The following FOXP1 variants were observed in gnomAD, a reference collection of about 807,000 sequenced individuals.
The protein encoded by FOXP1 is forkhead box P1.
FOXP1 carries 15 observed loss-of-function variants against 98.2 expected under a neutral mutation model. That is an observed-to-expected ratio of 0.15 (90% CI 0.10 to 0.24). The LOEUF is 0.24. Among genes scored for constraint, FOXP1 ranks in the 10% least tolerant of loss-of-function variants. The pLI is 1.00. For synonymous variants in FOXP1, 371 were observed against 314.5 expected (o/e 1.18, Z -1.90); for missense variants, 633 against 848.5 (o/e 0.75, Z 3.15).
intron 5 of FOXP1, among the ~76,000 whole-genome samples, chr3:71,206,171 G>T (rs1376934768): frequency 6.6e-6 from 1 of 152,172 alleles, no homozygotes; most frequent in Non-Finnish European, 1.5e-5. Context: ...ATGATTAAAT[G>T]ACACAAAATT....
chr3:71,479,157 G>A (rs1577734954), intron 3 of FOXP1, among the ~76,000 whole-genome samples: 1 of 152,280 alleles, frequency 6.6e-6, no homozygotes, highest in East Asian at 1.9e-4. Flanking sequence ...GGGCGTGGTG[G>A]TCACACCTGT....
chr3:71,101,809 C>A (rs2056989071), intron 7 of FOXP1, among the ~76,000 whole-genome samples: 1 of 152,066 alleles, frequency 6.6e-6, no homozygotes, highest in Admixed American at 6.5e-5. Context: ...TTGGAACTAC[C>A]CATTTAAACT....
At chr3:71,547,251 G>A (rs1475371573) in intron 2 of FOXP1, among the ~76,000 whole-genome samples, 1 of 152,020 alleles carries the variant, frequency 6.6e-6, no homozygotes, top group African/African-American at 2.4e-5. Flanking sequence ...CACTGTGAGG[G>A]GTCTGCCTGC....
intron 5 of FOXP1, among the ~76,000 whole-genome samples, chr3:71,238,766 G>T (rs917206204): frequency 6.6e-6 from 1 of 152,198 alleles, no homozygotes; most frequent in Non-Finnish European, 1.5e-5. Context: ...TCCCATCTAG[G>T]ATTGCTCCTG....
intron 5 of FOXP1, among the ~76,000 whole-genome samples, chr3:71,235,722 A>G (rs1384150339): frequency 6.6e-6 from 1 of 152,124 alleles, no homozygotes; most frequent in Non-Finnish European, 1.5e-5. Context: ...GCGTGCCACC[A>G]TGCCCGGCTA....
At chr3:71,106,980 G>A (rs2107705858) in intron 7 of FOXP1, among the ~76,000 whole-genome samples, 1 of 152,074 alleles carries the variant, frequency 6.6e-6, no homozygotes, top group East Asian at 1.9e-4. Context: ...TGTTGCCCAG[G>A]CTGGTCTCTA....
chr3:71,377,756 G>A (rs1202031728), intron 3 of FOXP1, among the ~76,000 whole-genome samples: 1 of 152,156 alleles, frequency 6.6e-6, no homozygotes, highest in Admixed American at 6.5e-5. Flanking sequence ...AAGCTGTTTT[G>A]AAATTAAGAA....
chr3:71,553,192 T>A (rs771287287), intron 2 of FOXP1, among the ~76,000 whole-genome samples: 1 of 152,154 alleles, frequency 6.6e-6, no homozygotes, highest in African/African-American at 2.4e-5. Context: ...TTCTACTATG[T>A]GGTATTGAAG....
At chr3:71,431,638 C>T (rs558472675) in intron 3 of FOXP1, among the ~76,000 whole-genome samples, 52 of 152,314 alleles carry the variant, frequency 3.4e-4, no homozygotes, top group Admixed American at 3.4e-3. Flanking sequence ...TGAATACTTA[C>T]TACAACTAAA....
At chr3:71,267,124 A>AGTGTGTGTGTGT (rs1553808466) in intron 5 of FOXP1, among the ~76,000 whole-genome samples, 34 of 148,298 alleles carry the variant, frequency 2.3e-4, no homozygotes, top group South Asian at 4.3e-4. Context: ...TATGGGAGAG[A>AGTGTGTGTGTGT]GTGTGTGTGT....
chr3:71,069,689 A>G (rs1463441148), intron 7 of FOXP1, among the ~76,000 whole-genome samples: 1 of 152,216 alleles, frequency 6.6e-6, no homozygotes, highest in East Asian at 1.9e-4. Context: ...CCGAAGAGTG[A>G]CAGTATTTTT....
chr3:71,272,046 T>C lies in FOXP1; in HGVS notation c.-12+27774A>G, dbSNP rs1214634688. On this transcript the variant is annotated intron_variant, in intron 5 of 20. Transcript: ENST00000649528. ...TCAATTATAAAGCACCTATTATACATTCTAAATCAGGAATCAAAAGAGTCT... is the reference window on the plus strand; with the variant it reads ...TCAATTATAAAGCACCTATTATACACTCTAAATCAGGAATCAAAAGAGTCT... 3.9e-5 allele frequency among the ~76,000 whole-genome samples: 6 copies of C among 152,294 alleles called. No individual in the cohort carries two copies. The South Asian group carries it at 1.2e-3, about 32-fold the overall frequency.
At chr3:71,392,192 T>C (rs1291647123) in intron 3 of FOXP1, among the ~76,000 whole-genome samples, 1 of 152,222 alleles carries the variant, frequency 6.6e-6, no homozygotes, top group Non-Finnish European at 1.5e-5. Flanking sequence ...CTCAACTAGA[T>C]GCAATGTGTC....
At chr3:71,016,853 A>G (rs2044571197) in intron 11 of FOXP1, among the ~76,000 whole-genome samples, 1 of 152,142 alleles carries the variant, frequency 6.6e-6, no homozygotes, top group Non-Finnish European at 1.5e-5. Flanking sequence ...CAAACCAAGG[A>G]GCATAAAAAG....
In FOXP1 at chr3:71,420,575, A is replaced by G. The variant is rs13326091; in HGVS notation, c.-167-61331T>C. ...CGCACCTATAAACATATACACAAAC[A>G]TAGTCACACATTCTACATATATGTA... On this transcript the variant is annotated intron_variant, in intron 3 of 20. Transcript: ENST00000649528. Among the ~76,000 whole-genome samples, 1,163 of 152,296 alleles carry G rather than the reference A, an allele frequency of 7.6e-3. 17 individuals carry two copies. The highest frequency in any genetic ancestry group is 0.026 in the African/African-American group (1,093 of 41,558).
chr3:71,548,426 G>A (rs1356873094), intron 2 of FOXP1, among the ~76,000 whole-genome samples: 1 of 151,768 alleles, frequency 6.6e-6, no homozygotes, highest in Admixed American at 6.6e-5. Context: ...TTTATTTTAA[G>A]ACAGGGTCTT....
At chr3:71,009,064 C>T (rs2043171928) in intron 12 of FOXP1, among the ~76,000 whole-genome samples, 1 of 147,482 alleles carries the variant, frequency 6.8e-6, no homozygotes, top group African/African-American at 2.5e-5. Context: ...AAGTCACTTC[C>T]TCTCCCTTAG....
chr3:71,395,100 CAAAAAAAAA>C (rs10543398), intron 3 of FOXP1, among the ~76,000 whole-genome samples: 8 of 63,808 alleles, frequency 1.3e-4, no homozygotes, highest in South Asian at 5.7e-4. Flanking sequence ...AACCCCGTCA[CAAAAAAAAA>C]AAAAAAAAAA....
chr3:70,966,023 T>G lies in FOXP1; in HGVS notation c.1756A>C (p.Thr586Pro). 2 of 1,614,172 alleles carry G rather than the reference T, an allele frequency of 1.2e-6. No homozygotes were observed. The highest frequency in any genetic ancestry group is 2.2e-5 in the South Asian group (2 of 91,086). The change falls in exon 20 of 21, where the codon ACT (threonine) becomes CCT (proline). Residue 586 changes from threonine to proline, a missense_variant. Around this residue, in one of 6 missense-constraint regions of FOXP1, gnomAD observed 150 missense variants for 163.7 expected, o/e 0.92. Transcript: ENST00000649528. ...SMAENSIPLY[T>P]TASMGNPTLG... ...GTGGGATTTCCCATGGAAGCGGTAG[T>G]GTATAGAGGTATACTATTCTCAGCC... is the stretch of plus-strand genomic sequence containing the variant.
Sources: allele counts gnomAD v4.1 joint callset (sites outside exome capture counted in the v4.1 genomes callset), GRCh38; gene constraint gnomAD v4.1.1; regional missense constraint gnomAD v4.1.1; transcripts MANE v1.5; gene names NCBI Gene and HGNC (gene_info 2026-07-23, HGNC 2026-07-21).